The following PARN variants were observed in gnomAD, a reference collection of about 807,000 sequenced individuals.
PARN encodes poly(A)-specific ribonuclease PARN.
In PARN, 71 loss-of-function variants were observed where a neutral mutation model predicts 102.8. The ratio of observed to expected loss-of-function variants is 0.69; its 90% CI spans 0.57 to 0.84. The LOEUF is 0.84. PARN is among the 40% of genes least tolerant of loss of function. PARN has a pLI of 0.00. For synonymous variants in PARN, 261 were observed against 252.9 expected (o/e 1.03, Z -0.30); for missense variants, 782 against 760.9 (o/e 1.03, Z -0.33).
chr16:14,584,851 C>T, intron 14 of PARN, 60 bp from the exon 15 acceptor site: 1 of 896,992 alleles, frequency 1.1e-6, no homozygotes, highest in Non-Finnish European at 1.7e-6. Context: ...ATGTCTTTTA[C>T]TCAAATATGT....
intron 13 of PARN, among the ~76,000 whole-genome samples, chr16:14,592,625 G>A (rs753463454): frequency 4.6e-5 from 7 of 152,154 alleles, no homozygotes; most frequent in Non-Finnish European, 1.0e-4. Flanking sequence ...AGCCTAGCAA[G>A]GGCGATCAAG....
intron 21 of PARN, among the ~76,000 whole-genome samples, chr16:14,520,456 G>A (rs376970906): frequency 1.3e-5 from 2 of 152,192 alleles, no homozygotes; most frequent in South Asian, 4.1e-4. Flanking sequence ...GGCCAGGCAT[G>A]GTGGCTCATG....
At chr16:14,553,137 A>G (rs1967427682) in intron 20 of PARN, among the ~76,000 whole-genome samples, 1 of 149,516 alleles carries the variant, frequency 6.7e-6, no homozygotes, top group African/African-American at 2.5e-5. Context: ...AAAAAAATAG[A>G]TCAGGCTCAG....
chr16:14,462,503 A>T (rs1428275018), intron 22 of PARN, among the ~76,000 whole-genome samples: 1 of 152,210 alleles, frequency 6.6e-6, no homozygotes, highest in Non-Finnish European at 1.5e-5. Context: ...CACAAGTCAC[A>T]AATCACAAGT....
intron 17 of PARN, 66 bp from the exon 18 acceptor site, chr16:14,581,009 C>A: frequency 1.1e-6 from 1 of 894,926 alleles, no homozygotes; most frequent in Non-Finnish European, 1.8e-6. Context: ...AAAGTTCAGA[C>A]CAAAACAGAT....
intron 22 of PARN, among the ~76,000 whole-genome samples, chr16:14,475,853 TAA>T (rs1393827821): frequency 1.3e-5 from 2 of 152,196 alleles, no homozygotes; most frequent in Non-Finnish European, 2.9e-5. Context: ...TTATTTTATT[TAA>T]GAGACTAATA....
At chr16:14,605,769 T>C (rs909843848) in intron 10 of PARN, among the ~76,000 whole-genome samples, 1 of 152,216 alleles carries the variant, frequency 6.6e-6, no homozygotes, top group Non-Finnish European at 1.5e-5. Flanking sequence ...ATTCTATCAG[T>C]GTACCCTGTG....
chr16:14,616,005 T>G (rs1414768629), intron 6 of PARN, among the ~76,000 whole-genome samples: 4 of 152,228 alleles, frequency 2.6e-5, no homozygotes, highest in African/African-American at 9.6e-5. Flanking sequence ...GTACTTTTTT[T>G]TGAGAAAAGT....
intron 23 of PARN, among the ~76,000 whole-genome samples, chr16:14,437,606 G>C (rs1429111551): frequency 6.6e-6 from 1 of 152,212 alleles, no homozygotes; most frequent in African/African-American, 2.4e-5. Context: ...GGGAAGTCAG[G>C]AAAGAGCATG....
At chr16:14,607,892 CA>C (rs1013255054) in intron 9 of PARN, among the ~76,000 whole-genome samples, 11 of 152,284 alleles carry the variant, frequency 7.2e-5, no homozygotes, top group Admixed American at 5.9e-4. Context: ...GATGTTATTT[CA>C]GGGGATTCAC....
chr16:14,499,389 G>A (rs1964473107), intron 21 of PARN, among the ~76,000 whole-genome samples: 3 of 152,182 alleles, frequency 2.0e-5, no homozygotes, highest in Admixed American at 2.0e-4. Flanking sequence ...GAATCAGGGA[G>A]AGCGAACTTT....
intron 12 of PARN, among the ~76,000 whole-genome samples, 196 bp downstream of exon 12, chr16:14,599,708 G>T (rs1970759748): frequency 6.6e-6 from 1 of 152,124 alleles, no homozygotes; most frequent in African/African-American, 2.4e-5. Flanking sequence ...CCTGAAAATT[G>T]ATTTGAATAT....
rs552872194 is a variant in PARN, at chr16:14,451,978, G to C, written c.1671-4897C>G. 2.7e-5 allele frequency among the ~76,000 whole-genome samples: 4 copies of C among 150,406 alleles called. No individual in the cohort carries two copies. The East Asian group carries it at 7.8e-4, about 29-fold the overall frequency. Reference sequence around the variant, plus strand: ...GAGGTGGGAGGATTGCTTGAGTCTGGGAGTTTGAGGTTTCAGTGAGCCATG... The same window carrying C: ...GAGGTGGGAGGATTGCTTGAGTCTGCGAGTTTGAGGTTTCAGTGAGCCATG... On this transcript the variant is annotated intron_variant, in intron 22 of 23. Coordinates refer to ENST00000437198, the MANE Select transcript of PARN (RefSeq NM_002582.4).
chr16:14,614,562 A>T lies in PARN; in HGVS notation c.388+3028T>A, dbSNP rs538426139. Among the ~76,000 whole-genome samples, 42 of 152,226 alleles carry T rather than the reference A, an allele frequency of 2.8e-4. 1 individual carries two copies. The South Asian group carries it at 6.2e-3, about 23-fold the overall frequency. On this transcript the variant is annotated intron_variant, in intron 6 of 23. Transcript: ENST00000437198. ...AAATGGTGGCTCCCGTACAAAAGAA[A>T]ATTCAGGGGCCAGGCACGGTGATCA...
At chr16:14,554,723 C>T (rs1401739261) in intron 19 of PARN, among the ~76,000 whole-genome samples, 1 of 151,794 alleles carries the variant, frequency 6.6e-6, no homozygotes, top group Admixed American at 6.6e-5. Context: ...GAATTACAAG[C>T]ATGAACCACC....
intron 18 of PARN, among the ~76,000 whole-genome samples, chr16:14,559,454 T>A (rs779262663): frequency 5.3e-5 from 8 of 152,108 alleles, no homozygotes; most frequent in Non-Finnish European, 1.0e-4. Flanking sequence ...ATGTATATAT[T>A]TGTAGGGTAC....
At chr16:14,463,742 A>G (rs1430342165) in intron 22 of PARN, among the ~76,000 whole-genome samples, 1 of 151,572 alleles carries the variant, frequency 6.6e-6, no homozygotes, top group African/African-American at 2.4e-5. Context: ...CTCAATATAC[A>G]TGAGTAATTG....
chr16:14,441,325 A>T (rs905939231), intron 23 of PARN, among the ~76,000 whole-genome samples: 1 of 152,250 alleles, frequency 6.6e-6, no homozygotes, highest in African/African-American at 2.4e-5. Flanking sequence ...CGGGGAACAC[A>T]AAAGGTGAAT....
intron 21 of PARN, among the ~76,000 whole-genome samples, chr16:14,490,174 A>G (rs558218595): frequency 6.6e-6 from 1 of 152,340 alleles, no homozygotes; most frequent in Admixed American, 6.5e-5. Flanking sequence ...ATAAATAAAT[A>G]AATAAAAATA....
Sources: gnomAD v4.1 joint callset for allele counts (sites outside exome capture counted in the v4.1 genomes callset) on GRCh38, gnomAD v4.1.1 for gene constraint, MANE v1.5 for transcripts, NCBI Gene and HGNC (gene_info 2026-07-23, HGNC 2026-07-21) for gene names.